The following LRP1B variants were observed in gnomAD, a reference collection of about 807,000 sequenced individuals.
LRP1B encodes the protein low-density lipoprotein receptor-related protein 1B.
A neutral mutation model predicts 556.6 loss-of-function variants in LRP1B; 217 were observed. That is an observed-to-expected ratio of 0.39 (90% CI 0.35 to 0.44). The LOEUF is 0.44. LRP1B is among the 20% of genes least tolerant of loss of function. The pLI is 1.00. For synonymous variants in LRP1B, 2,047 were observed against 1,865.8 expected, an observed-to-expected ratio of 1.10 and a Z score of -2.50; for missense variants, 5,053 against 5,620.8, an observed-to-expected ratio of 0.90 and a Z score of 3.23.
At chr2:140,948,210 C>A (rs190343865) in intron 20 of LRP1B, among the ~76,000 whole-genome samples, 115 of 152,206 alleles carry the variant, frequency 7.6e-4, no homozygotes, top group African/African-American at 2.7e-3. Context: ...GATTTCATAG[C>A]ACATTATGGA....
chr2:141,656,890 C>T (rs1040984400), intron 2 of LRP1B, among the ~76,000 whole-genome samples: 4 of 151,888 alleles, frequency 2.6e-5, no homozygotes, highest in African/African-American at 9.7e-5. Context: ...CAAAGATATG[C>T]TAATAGAAGG....
At chr2:141,990,125 C>T (rs1702304697) in intron 1 of LRP1B, among the ~76,000 whole-genome samples, 1 of 152,028 alleles carries the variant, frequency 6.6e-6, no homozygotes, top group African/African-American at 2.4e-5. Context: ...AACATGTTTT[C>T]AAGCTTTATC....
intron 2 of LRP1B, among the ~76,000 whole-genome samples, chr2:141,502,688 G>A (rs1287641284): frequency 2.0e-5 from 3 of 151,746 alleles, no homozygotes; most frequent in African/African-American, 7.2e-5. Context: ...GTGAAACCCC[G>A]TCTCTACTAA....
chr2:140,318,926 A>G (rs1684650952), intron 82 of LRP1B, among the ~76,000 whole-genome samples: 1 of 152,164 alleles, frequency 6.6e-6, no homozygotes, highest in Non-Finnish European at 1.5e-5. Flanking sequence ...TAGTATTATT[A>G]CTAATGTCAG....
At chr2:141,524,556 T>C (rs1273815770) in intron 2 of LRP1B, among the ~76,000 whole-genome samples, 2 of 151,426 alleles carry the variant, frequency 1.3e-5, no homozygotes, top group African/African-American at 4.9e-5. Flanking sequence ...ACATTGTAAG[T>C]TTTTTTTTGT....
intron 43 of LRP1B, among the ~76,000 whole-genome samples, chr2:140,560,187 G>T (rs957383082): frequency 6.6e-6 from 1 of 151,906 alleles, no homozygotes; most frequent in Non-Finnish European, 1.5e-5. Flanking sequence ...AAAAACAACA[G>T]GCCAATACTC....
intron 15 of LRP1B, among the ~76,000 whole-genome samples, chr2:141,000,768 C>G (rs1351256721): frequency 6.6e-6 from 1 of 151,952 alleles, no homozygotes; most frequent in Non-Finnish European, 1.5e-5. Context: ...ATTTTACTTC[C>G]TAAGTTTTTT....
chr2:141,434,172 TA>T (rs1474588445), intron 3 of LRP1B, among the ~76,000 whole-genome samples: 2 of 152,186 alleles, frequency 1.3e-5, no homozygotes, highest in Non-Finnish European at 2.9e-5. Context: ...TATCTTTGAA[TA>T]TTTTTTCTGT....
At chr2:141,810,182 AAAG>A in intron 2 of LRP1B, 94 bp downstream of exon 2, 16 of 1,014,108 alleles carry the variant, frequency 1.6e-5, no homozygotes, top group East Asian at 1.4e-4. Flanking sequence ...AGAAAGAAAG[AAAG>A]AATCATCTAG....
At chr2:140,364,154 A>G (rs545423983) in intron 72 of LRP1B, among the ~76,000 whole-genome samples, 1 of 151,788 alleles carries the variant, frequency 6.6e-6, no homozygotes, top group East Asian at 1.9e-4. Flanking sequence ...TCCTAATTTC[A>G]GTTCTGTGTT....
chr2:141,758,182 C>T (rs1208531529), intron 2 of LRP1B, among the ~76,000 whole-genome samples: 1 of 152,134 alleles, frequency 6.6e-6, no homozygotes, highest in Non-Finnish European at 1.5e-5. Flanking sequence ...TTCTCTTCCC[C>T]CCACTCCAAA....
chr2:140,715,328 A>G (rs111754629), intron 37 of LRP1B, among the ~76,000 whole-genome samples: 3,223 of 152,166 alleles, frequency 0.021, 117 homozygotes, highest in African/African-American at 0.074. Context: ...ATAAGATAAT[A>G]TCAAATTTAA....
chr2:140,672,482 T>TAAAAAAAAAAAAAAAAAA lies in LRP1B; in HGVS notation c.6799+27750_6799+27767dup, dbSNP rs55884730. 3.3e-4 allele frequency among the ~76,000 whole-genome samples: 27 copies of TAAAAAAAAAAAAAAAAAA among 81,578 alleles called. 3 individuals are homozygous for TAAAAAAAAAAAAAAAAAA. Among genetic ancestry groups the TAAAAAAAAAAAAAAAAAA allele is most frequent in the African/African-American group, 1.3e-3 (23 of 18,268 alleles). The allele number at this position is 81,578 out of a possible 152,430, so 53.5% of individuals were successfully genotyped here. The stretch of plus-strand genomic sequence containing the variant: ...CTGGGTGACAGAATGAGACTCCATC[T>TAAAAAAAAAAAAAAAAAA]AAAAAAAAAAAAAAAAAAAAAAAAA... On this transcript the variant is annotated intron_variant, in intron 41 of 90. Transcript: ENST00000389484.
intron 82 of LRP1B, among the ~76,000 whole-genome samples, chr2:140,315,768 A>G (rs1312731334): frequency 1.3e-5 from 2 of 152,154 alleles, no homozygotes; most frequent in Admixed American, 6.6e-5. Context: ...ACATACACAC[A>G]CTATTTGTTC....
chr2:141,560,911 C>G (rs1438737140), intron 2 of LRP1B, among the ~76,000 whole-genome samples: 1 of 151,458 alleles, frequency 6.6e-6, no homozygotes, highest in Non-Finnish European at 1.5e-5. Flanking sequence ...TTGTAGTACT[C>G]GTGGAACATG....
intron 41 of LRP1B, among the ~76,000 whole-genome samples, chr2:140,622,826 CAG>C (rs1189542671): frequency 6.6e-6 from 1 of 152,166 alleles, no homozygotes; most frequent in Non-Finnish European, 1.5e-5. Flanking sequence ...TGGCCCTAAA[CAG>C]GGATCAGTTT....
At chr2:141,232,921 C>A (rs574742055) in intron 5 of LRP1B, among the ~76,000 whole-genome samples, 1 of 152,302 alleles carries the variant, frequency 6.6e-6, no homozygotes, top group East Asian at 1.9e-4. Context: ...GGATCCAATT[C>A]TTTCAGTGTA....
At chr2:140,365,358 A>AT (rs1299137614) in intron 71 of LRP1B, among the ~76,000 whole-genome samples, 5 of 151,706 alleles carry the variant, frequency 3.3e-5, no homozygotes, top group East Asian at 1.9e-4. Flanking sequence ...GTAAAGCATT[A>AT]TTTTTTGGAT....
intron 1 of LRP1B, among the ~76,000 whole-genome samples, chr2:141,895,048 CAAAA>C (rs369108197): frequency 1.3e-5 from 1 of 78,518 alleles, no homozygotes; most frequent in Admixed American, 1.4e-4. Flanking sequence ...AACTCCATCT[CAAAA>C]AAAAAAAAAA....
Sources: gnomAD v4.1 joint callset for allele counts (sites outside exome capture counted in the v4.1 genomes callset) on GRCh38, gnomAD v4.1.1 for gene constraint, MANE v1.5 for transcripts, NCBI Gene and HGNC (gene_info 2026-07-23, HGNC 2026-07-21) for gene names.